The following ORC3 variants were observed in gnomAD, a reference collection of about 807,000 sequenced individuals.
ORC3 encodes homolog of latheo, Drosophila.
ORC3 carries 78 observed loss-of-function variants against 100.7 expected under a neutral mutation model. The ratio of observed to expected loss-of-function variants is 0.77; its 90% CI spans 0.65 to 0.94. The LOEUF (loss-of-function observed/expected upper bound fraction) is 0.94. ORC3 is among the 40% of genes least tolerant of loss of function. The probability of loss-of-function intolerance (pLI) is 0.00; values close to 1 mark genes in which losing one functional copy is unlikely to be tolerated. For missense variants in ORC3, 789 were observed against 823.9 expected (o/e 0.96, Z 0.52); for synonymous variants, 295 against 289.3 (o/e 1.02, Z -0.20).
chr6:87,642,156 C>T (rs1768312643), intron 13 of ORC3, among the ~76,000 whole-genome samples: 1 of 152,032 alleles, frequency 6.6e-6, no homozygotes. Flanking sequence ...AGTATATGAG[C>T]GTGGTGGTGC....
At chr6:87,648,200 A>AAAAAC (rs373640665) in intron 13 of ORC3, among the ~76,000 whole-genome samples, 84 of 152,216 alleles carry the variant, frequency 5.5e-4, no homozygotes, top group Admixed American at 1.4e-3. Flanking sequence ...ACTCTGCCTC[A>AAAAAC]AAAACAAAAC....
In ORC3 at chr6:87,657,933, A is replaced by T. The variant is rs1431219558; in HGVS notation, c.1606A>T (p.Met536Leu). The change falls in exon 16 of 20, where the codon ATG (methionine) becomes TTG (leucine). Residue 536 changes from methionine (M) to leucine (L), a missense_variant. Around this residue, in one of 3 missense-constraint regions of ORC3, gnomAD observed 366 missense variants for 394.2 expected, o/e 0.93. Coordinates refer to ENST00000392844, the MANE Select transcript of ORC3 (RefSeq NM_012381.4). The stretch of plus-strand genomic sequence containing the variant: ...CTTTTATCTATAGTCCTTATTGGAA[A>T]TGAAGGAGTTAAGAAGAAGTAAGAA... ...LYHLQKSLLE[M>L]KELRRSKKQT... 6 of 1,559,168 alleles carry T rather than the reference A, an allele frequency of 3.8e-6. No homozygotes were observed. The highest frequency in any genetic ancestry group is 1.4e-5 in the African/African-American group (1 of 73,798).
intron 16 of ORC3, among the ~76,000 whole-genome samples, chr6:87,662,282 GGGCGT>G: frequency 6.6e-6 from 1 of 152,130 alleles, no homozygotes; most frequent in South Asian, 2.1e-4. Context: ...AAAATTAGCC[GGGCGT>G]GTTGGTGGGC....
Position 87,660,980 on chromosome 6 carries a change from C to G in ORC3, c.1692-2023C>G, listed in dbSNP as rs1336236950. Among the ~76,000 whole-genome samples, 6 of 152,148 alleles carry G rather than the reference C, an allele frequency of 3.9e-5. No individual in the cohort carries two copies. In the South Asian group the frequency reaches 8.3e-4, roughly 21 times the overall value. ...TTAAGGCAGATATTTTATTTTTGCT[C>G]TGATGGTTCTTTGAGGATATCTAGA... On this transcript the variant is annotated intron_variant, in intron 16 of 19. Transcript: ENST00000392844.
chr6:87,598,774 A>G (rs564366258), intron 2 of ORC3, among the ~76,000 whole-genome samples: 2 of 152,248 alleles, frequency 1.3e-5, no homozygotes, highest in Middle Eastern at 3.4e-3. Context: ...AGGGAAACAT[A>G]CCCAGACTTT....
chr6:87,625,043 G>A (rs920607399), intron 11 of ORC3, among the ~76,000 whole-genome samples: 8 of 152,156 alleles, frequency 5.3e-5, no homozygotes, highest in Non-Finnish European at 1.2e-4. Context: ...TTTTATGGCT[G>A]CATGGTATTC....
Position 87,609,135 on chromosome 6 carries a change from T to A in ORC3, c.619T>A (p.Ser207Thr). 2 of 1,607,596 alleles carry A rather than the reference T, an allele frequency of 1.2e-6. No individual in the cohort carries two copies. Among genetic ancestry groups the A allele is most frequent in the Non-Finnish European group, 1.7e-6 (2 of 1,178,486 alleles). ...AATGCTAAGCAAAAAAAGGACTACTTCTAGCCAATGGCAGTCTCCTCCTGT... is the reference window on the plus strand; with the variant it reads ...AATGCTAAGCAAAAAAAGGACTACTACTAGCCAATGGCAGTCTCCTCCTGT... ...PKMLSKKRTTSSQWQSPPVVV... is the reference protein window; with the variant it reads ...PKMLSKKRTTTSQWQSPPVVV... The change falls in exon 7 of 20, where the codon TCT becomes ACT. Residue 207 changes from serine (S) to threonine (T), a missense_variant. By Grantham distance (58) the Ser-to-Thr change is moderately conservative. Around this residue, in one of 3 missense-constraint regions of ORC3, gnomAD observed 399 missense variants for 382.0 expected, o/e 1.04. Coordinates refer to ENST00000392844, the MANE Select transcript of ORC3 (RefSeq NM_012381.4).
intron 13 of ORC3, among the ~76,000 whole-genome samples, chr6:87,644,928 T>A (rs940306537): frequency 6.6e-6 from 1 of 152,156 alleles, no homozygotes; most frequent in African/African-American, 2.4e-5. Context: ...ATGAATTAAA[T>A]TTATTCTTTT....
chr6:87,645,708 GAC>G (rs1768710838), intron 13 of ORC3, among the ~76,000 whole-genome samples: 1 of 152,112 alleles, frequency 6.6e-6, no homozygotes, highest in Non-Finnish European at 1.5e-5. Flanking sequence ...CTTATAATCA[GAC>G]ATTTATATAA....
At chr6:87,671,226 A>G (rs1376560288), downstream of ORC3, among the ~76,000 whole-genome samples, 2 of 152,174 alleles carry the variant, frequency 1.3e-5, no homozygotes, top group Non-Finnish European at 1.5e-5. Flanking sequence ...GAGGCAAAAC[A>G]AAGACCGGTT....
At position 87,662,985 on chromosome 6, in the gene ORC3, C is replaced by T. The variant is rs746263875; in HGVS notation, c.1692-18C>T. 31 of 1,576,900 alleles carry T rather than the reference C, an allele frequency of 2.0e-5. No individual in the cohort carries two copies. The highest frequency in any genetic ancestry group is 8.4e-5 in the Admixed American group (5 of 59,536). On this transcript the variant is annotated intron_variant, in intron 16 of 19. Transcript: ENST00000392844. ...ACCTGTGCTTATCTAAACATGGATG[C>T]CTGACTGGCTGTTTCAGAGAATACC...
intron 11 of ORC3, among the ~76,000 whole-genome samples, chr6:87,628,409 G>A (rs771092555): frequency 1.3e-5 from 2 of 152,128 alleles, no homozygotes; most frequent in Non-Finnish European, 2.9e-5. Context: ...TACTAAGGAG[G>A]GACATTAGAA....
At chr6:87,674,644 T>TATATATA in the ORC3 span, among the ~76,000 whole-genome samples, 7 of 133,452 alleles carry the variant, frequency 5.2e-5, no homozygotes, top group African/African-American at 1.9e-4. Flanking sequence ...ATATATATAT[T>TATATATA]TTTTTTTTTT....
At chr6:87,604,026 A>G (rs1186501556) in intron 4 of ORC3, among the ~76,000 whole-genome samples, 1 of 152,238 alleles carries the variant, frequency 6.6e-6, no homozygotes, top group East Asian at 1.9e-4. Context: ...AATTGCACAT[A>G]AATTGCTTTC....
At chr6:87,668,873 C>A (rs1770771652), downstream of ORC3, among the ~76,000 whole-genome samples, 1 of 152,192 alleles carries the variant, frequency 6.6e-6, no homozygotes, top group Admixed American at 6.5e-5. Context: ...ATCCCAGCTA[C>A]TGGGGAGGCT....
chr6:87,612,587 A>G (rs1171845563), intron 8 of ORC3, among the ~76,000 whole-genome samples: 3 of 152,090 alleles, frequency 2.0e-5, no homozygotes, highest in African/African-American at 7.2e-5. Flanking sequence ...GTAACAATGT[A>G]TTTTGACTCT....
chr6:87,666,279 C>A (rs906240906), intron 19 of ORC3, among the ~76,000 whole-genome samples: 3 of 151,780 alleles, frequency 2.0e-5, no homozygotes, highest in South Asian at 2.1e-4. Flanking sequence ...TTACAGGTGC[C>A]TGCCACCAAG....
At chr6:87,644,079 CTTTTTTTTTTTTTTTTT>C (rs1156943778) in intron 13 of ORC3, among the ~76,000 whole-genome samples, 570 of 51,478 alleles carry the variant, frequency 0.011, 31 homozygotes, top group African/African-American at 0.051. Context: ...GCTGACTGTC[CTTTTTTTTTTTTTTTTT>C]TTTTTTTTTT....
At chr6:87,651,967 C>G (rs1049539248) in intron 13 of ORC3, among the ~76,000 whole-genome samples, 4 of 150,574 alleles carry the variant, frequency 2.7e-5, no homozygotes, top group African/African-American at 9.8e-5. Flanking sequence ...GTCGTGATCT[C>G]AGCTCGCTGC....
Sources: gnomAD v4.1 joint callset for allele counts (sites outside exome capture counted in the v4.1 genomes callset) on GRCh38, gnomAD v4.1.1 for gene constraint, gnomAD v4.1.1 regional missense constraint, MANE v1.5 for transcripts, NCBI Gene and HGNC (gene_info 2026-07-23, HGNC 2026-07-21) for gene names.